Variants in GRID1 observed in about 807,000 individuals in gnomAD.
The protein encoded by GRID1 is glutamate receptor ionotropic, delta-1.
GRID1 carries 28 observed loss-of-function variants against 98.0 expected under a neutral mutation model. The observed-to-expected ratio is 0.29, with a 90% CI of 0.21 to 0.39. The LOEUF is 0.39. GRID1 is among the 10% of genes least tolerant of loss of function. GRID1 has a pLI of 1.00. For missense variants in GRID1, 1,111 were observed against 1,340.5 expected (o/e 0.83, Z 2.67); for synonymous variants, 553 against 538.5 (o/e 1.03, Z -0.37).
intron 8 of GRID1, among the ~76,000 whole-genome samples, chr10:85,756,109 C>T (rs1390255765): frequency 6.6e-6 from 1 of 152,124 alleles, no homozygotes; most frequent in Admixed American, 6.5e-5. Flanking sequence ...CAAATAGTAC[C>T]GAACCCAATT....
intron 12 of GRID1, among the ~76,000 whole-genome samples, chr10:85,707,579 G>T (rs1841534712): frequency 6.6e-6 from 1 of 152,172 alleles, no homozygotes; most frequent in Non-Finnish European, 1.5e-5. Flanking sequence ...TCTAGAACTA[G>T]AAGTACCATT....
At chr10:86,223,367 G>A (rs888175710) in intron 2 of GRID1, among the ~76,000 whole-genome samples, 1 of 152,232 alleles carries the variant, frequency 6.6e-6, no homozygotes, top group Non-Finnish European at 1.5e-5. Context: ...ACCAGAGAAG[G>A]AACAGGAAGC....
chr10:86,170,050 C>T (rs1197039175), intron 3 of GRID1, among the ~76,000 whole-genome samples: 1 of 152,238 alleles, frequency 6.6e-6, no homozygotes, highest in Non-Finnish European at 1.5e-5. Context: ...CCTTTCCGCC[C>T]ATCCTTAATG....
intron 4 of GRID1, among the ~76,000 whole-genome samples, chr10:85,973,741 T>C (rs1313142705): frequency 6.6e-6 from 1 of 152,208 alleles, no homozygotes; most frequent in Non-Finnish European, 1.5e-5. Context: ...GAATAGACTT[T>C]TTAAGTATTT....
chr10:86,362,825 G>C (rs971945901), intron 2 of GRID1, among the ~76,000 whole-genome samples: 8 of 152,364 alleles, frequency 5.3e-5, no homozygotes, highest in Non-Finnish European at 1.2e-4. Context: ...TCGGCTCAAC[G>C]GGCTTGAGGA....
chr10:85,787,598 C>G (rs1842441092), intron 8 of GRID1, among the ~76,000 whole-genome samples: 1 of 152,180 alleles, frequency 6.6e-6, no homozygotes, highest in Admixed American at 6.5e-5. Flanking sequence ...CTCCATTTCC[C>G]TTCCAAGAGC....
chr10:85,727,804 C>T (rs1466588359), intron 10 of GRID1, 51 bp downstream of exon 10: 2 of 1,389,516 alleles, frequency 1.4e-6, no homozygotes, highest in South Asian at 1.2e-5. Flanking sequence ...AGATATTACC[C>T]CAGAGGAAGA....
At chr10:86,284,297 C>A (rs551771273) in intron 2 of GRID1, among the ~76,000 whole-genome samples, 1 of 152,146 alleles carries the variant, frequency 6.6e-6, no homozygotes, top group Non-Finnish European at 1.5e-5. Flanking sequence ...CACACATTCA[C>A]CCCTACACAC....
At chr10:85,867,394 G>C (rs981916408) in intron 6 of GRID1, among the ~76,000 whole-genome samples, 5 of 152,172 alleles carry the variant, frequency 3.3e-5, no homozygotes, top group Non-Finnish European at 5.9e-5. Flanking sequence ...AGAGAAGCTA[G>C]AAAGACCCTG....
At chr10:86,304,089 A>C (rs1413666785) in intron 2 of GRID1, among the ~76,000 whole-genome samples, 1 of 151,592 alleles carries the variant, frequency 6.6e-6, no homozygotes, top group African/African-American at 2.4e-5. Flanking sequence ...CTCTTACCCC[A>C]CTCAGAGGAG....
chr10:85,937,490 T>C (rs1841942640), intron 4 of GRID1, among the ~76,000 whole-genome samples: 1 of 152,238 alleles, frequency 6.6e-6, no homozygotes, highest in South Asian at 2.1e-4. Flanking sequence ...TCACCTGCCC[T>C]ACCCTGTCTC....
intron 8 of GRID1, among the ~76,000 whole-genome samples, chr10:85,790,901 G>A (rs1245679513): frequency 1.3e-5 from 2 of 152,104 alleles, no homozygotes; most frequent in East Asian, 1.9e-4. Context: ...GCACAGCCCC[G>A]CTCTCTCTGA....
rs1024975274 is a variant in GRID1, at chr10:85,916,097, A to G, written c.780+89T>C. On this transcript the variant is annotated intron_variant, in intron 5 of 15. Coordinates refer to ENST00000327946, the MANE Select transcript of GRID1 (RefSeq NM_017551.3). This position sits in a 1 kb window ranked among gnomAD's most constrained non-coding sequence, Gnocchi z 4.0. ...AGGATTCACAACAGCCCCCTAAGTC[A>G]GAATTGAACTGAAAAGAATCACACT... 6.9e-6 allele frequency: 7 copies of G among 1,017,630 alleles called. No homozygotes were observed. The highest frequency in any genetic ancestry group is 6.3e-5 in the African/African-American group (4 of 63,706). The allele number at this position is 1,017,630 out of a possible 1,614,324, so 63.0% of individuals were successfully genotyped here.
intron 4 of GRID1, among the ~76,000 whole-genome samples, chr10:86,028,095 G>T (rs759841829): frequency 7.9e-5 from 12 of 152,142 alleles, no homozygotes; most frequent in Admixed American, 2.0e-4. Flanking sequence ...CTCACAAGAC[G>T]CTGAGATGCC....
intron 4 of GRID1, among the ~76,000 whole-genome samples, chr10:86,105,736 G>C (rs1564676363): frequency 6.6e-6 from 1 of 152,218 alleles, no homozygotes; most frequent in Non-Finnish European, 1.5e-5. Flanking sequence ...GAATCTAGGG[G>C]AGAGATTGAC....
intron 4 of GRID1, among the ~76,000 whole-genome samples, chr10:86,129,559 T>C (rs887250251): frequency 1.3e-5 from 2 of 152,188 alleles, no homozygotes; most frequent in Non-Finnish European, 2.9e-5. Context: ...ATGGTGAACT[T>C]GATAAATAAA....
At chr10:85,752,163 C>T (rs1842054144) in intron 8 of GRID1, among the ~76,000 whole-genome samples, 1 of 152,208 alleles carries the variant, frequency 6.6e-6, no homozygotes, top group Non-Finnish European at 1.5e-5. Flanking sequence ...AATCTCAGCT[C>T]TCCGGCCCTT....
intron 13 of GRID1, among the ~76,000 whole-genome samples, chr10:85,632,669 G>T (rs567259796): frequency 1.3e-5 from 2 of 151,762 alleles, no homozygotes; most frequent in Non-Finnish European, 2.9e-5. Flanking sequence ...TCAGCCTCCC[G>T]AGTAGCTGGG....
chr10:86,008,006 T>A (rs1209039507), intron 4 of GRID1, among the ~76,000 whole-genome samples: 1 of 152,082 alleles, frequency 6.6e-6, no homozygotes, highest in Non-Finnish European at 1.5e-5. Flanking sequence ...ACTGATATTG[T>A]CACCTGAGAG....
Sources: allele counts gnomAD v4.1 joint callset (sites outside exome capture counted in the v4.1 genomes callset), GRCh38; gene constraint gnomAD v4.1.1; non-coding constraint Gnocchi (gnomAD v3.1); transcripts MANE v1.5; gene names NCBI Gene and HGNC (gene_info 2026-07-23, HGNC 2026-07-21).